The following GSN variants were observed in gnomAD, a reference collection of about 807,000 sequenced individuals.
GSN encodes actin-depolymerizing factor.
In GSN, 56 loss-of-function variants were observed where a neutral mutation model predicts 85.7. The ratio of observed to expected loss-of-function variants is 0.65; its 90% CI spans 0.53 to 0.82. The LOEUF (loss-of-function observed/expected upper bound fraction) is 0.82, where lower values mean the gene tolerates loss of function less well. GSN is among the 40% of genes least tolerant of loss of function. The probability of loss-of-function intolerance (pLI) is 0.00; values close to 1 mark genes in which losing one functional copy is unlikely to be tolerated. For synonymous variants in GSN, 373 were observed against 399.1 expected (o/e 0.93, Z 0.78); for missense variants, 857 against 979.8 (o/e 0.87, Z 1.67).
chr9:121,320,819 C>T (rs752271509), intron 10 of GSN, among the ~76,000 whole-genome samples: 8 of 152,172 alleles, frequency 5.3e-5, no homozygotes, highest in Admixed American at 4.6e-4. Context: ...CGAGTAATCT[C>T]GTTTGAGCCT....
chr9:121,327,251 G>T, intron 13 of GSN, 57 bp from the exon 14 acceptor site: 1 of 1,412,820 alleles, frequency 7.1e-7, no homozygotes, highest in Non-Finnish European at 1.0e-6. Flanking sequence ...TGGGCTGTGA[G>T]GAGGGGGCTG....
chr9:121,237,759 C>T (rs1433767235), intron 5 of GSN, among the ~76,000 whole-genome samples: 2 of 152,192 alleles, frequency 1.3e-5, no homozygotes, highest in Non-Finnish European at 2.9e-5. Flanking sequence ...GAGGCTGATA[C>T]TCTTGAGGAG....
upstream of GSN, chr9:121,265,313 C>G (rs986396670): frequency 6.6e-5 from 10 of 152,222 alleles, no homozygotes; most frequent in African/African-American, 2.4e-4. Flanking sequence ...TTTTGCGACA[C>G]CCTTCTAGTC....
intron 5 of GSN, among the ~76,000 whole-genome samples, chr9:121,242,067 T>A (rs959622082): frequency 1.3e-5 from 2 of 152,202 alleles, no homozygotes; most frequent in Non-Finnish European, 2.9e-5. Flanking sequence ...GGCATGATAA[T>A]AATCTCTATT....
intron 6 of GSN, among the ~76,000 whole-genome samples, chr9:121,258,746 C>T (rs915804016): frequency 3.3e-5 from 5 of 151,192 alleles, no homozygotes; most frequent in African/African-American, 1.2e-4. Flanking sequence ...TTCCCAGCAG[C>T]ATAAGTGAGC....
chr9:121,295,736 C>G (rs976623402), intron 2 of GSN, among the ~76,000 whole-genome samples: 1 of 152,310 alleles, frequency 6.6e-6, no homozygotes, highest in Non-Finnish European at 1.5e-5. Flanking sequence ...TGTACAGCCC[C>G]CATCCTGTGG....
At chr9:121,317,301 G>A (rs958672039) in intron 8 of GSN, 83 bp downstream of exon 8, 33 of 1,447,800 alleles carry the variant, frequency 2.3e-5, no homozygotes, top group Middle Eastern at 1.7e-4. Flanking sequence ...CTCAGCTCCC[G>A]GGGAGTGTGG....
intron 7 of GSN, 23 bp from the exon 8 acceptor site, chr9:121,317,063 T>C (rs370372928): frequency 2.8e-5 from 45 of 1,613,924 alleles, no homozygotes; most frequent in Non-Finnish European, 3.7e-5. Context: ...CATGTGCTGG[T>C]TCCTTCTGCT....
In GSN at chr9:121,328,650, C is replaced by T. The variant is rs1216657828; in HGVS notation, c.1763-241C>T. Among the ~76,000 whole-genome samples, 4 of 152,342 alleles carry T rather than the reference C, an allele frequency of 2.6e-5. No homozygotes were observed. In the East Asian group the frequency reaches 7.7e-4, roughly 29 times the overall value. On this transcript the variant is annotated intron_variant, in intron 14 of 17. Coordinates refer to ENST00000432226, the MANE Select transcript of GSN (RefSeq NM_198252.3). ...CTCATCCCGCAATGCTGTCGTCAGCCTCAAGCCAATAGTGGTCCTGGCTGT... is the reference window on the plus strand; with the variant it reads ...CTCATCCCGCAATGCTGTCGTCAGCTTCAAGCCAATAGTGGTCCTGGCTGT...
intron 2 of GSN, among the ~76,000 whole-genome samples, chr9:121,295,574 G>A (rs1455551964): frequency 6.6e-6 from 1 of 152,154 alleles, no homozygotes; most frequent in Non-Finnish European, 1.5e-5. Context: ...TGGAAGGGGC[G>A]GGGGAGGCCA....
chr9:121,325,432 C>T (rs2063039193), intron 12 of GSN, among the ~76,000 whole-genome samples: 3 of 152,030 alleles, frequency 2.0e-5, no homozygotes, highest in Admixed American at 2.0e-4. Context: ...GGGGAAAATG[C>T]CATGATTTGA....
intron 6 of GSN, among the ~76,000 whole-genome samples, chr9:121,250,911 G>C (rs555664417): frequency 1.3e-3 from 179 of 134,954 alleles, no homozygotes; most frequent in African/African-American, 4.7e-3. Flanking sequence ...GTGTGTGTGT[G>C]CTTTGAGACA....
chr9:121,207,591 G>A (rs931739927), upstream of GSN, among the ~76,000 whole-genome samples: 2 of 152,196 alleles, frequency 1.3e-5, no homozygotes, highest in Non-Finnish European at 2.9e-5. Flanking sequence ...ACCCATGGAA[G>A]GTCATCTCCC....
At chr9:121,214,600 C>G (rs1273831175) in intron 4 of GSN, among the ~76,000 whole-genome samples, 1 of 152,174 alleles carries the variant, frequency 6.6e-6, no homozygotes, top group Non-Finnish European at 1.5e-5. Context: ...AGGGATAAGC[C>G]TGCATTCCTA....
rs148414063 is a variant in GSN at position 121,329,340 on chromosome 9, C to T, written c.1965+25C>T. Reference sequence around the variant, plus strand: ...GGTGGGTGAAGGACAGGTGAAGGCTCTCTGTGCCAGAGGGAGTGGGAGAAA... The same window carrying T: ...GGTGGGTGAAGGACAGGTGAAGGCTTTCTGTGCCAGAGGGAGTGGGAGAAA... On this transcript the variant is annotated intron_variant, in intron 16 of 17. Transcript: ENST00000432226. The surrounding 1 kb of genome is among the most constrained non-coding windows in gnomAD (Gnocchi z 4.6). The T allele has an allele frequency of 2.9e-6, 4 of 1,382,020 alleles. No individual in the cohort carries two copies. The highest frequency in any genetic ancestry group is 1.4e-5 in the African/African-American group (1 of 70,624). The allele number at this position is 1,382,020 out of a possible 1,614,324, so 85.6% of individuals were successfully genotyped here.
intron 1 of GSN, among the ~76,000 whole-genome samples, chr9:121,279,527 C>T (rs2057085606): frequency 6.6e-6 from 1 of 151,908 alleles, no homozygotes; most frequent in African/African-American, 2.4e-5. Flanking sequence ...ACTAGCAAGA[C>T]ATGGTGATAC....
intron 4 of GSN, among the ~76,000 whole-genome samples, chr9:121,212,447 T>C (rs546251315): frequency 6.6e-6 from 1 of 152,224 alleles, no homozygotes. Flanking sequence ...TCCCACCCTC[T>C]TCTCTCCCTG....
Position 121,318,933 on chromosome 9 carries a change from A to C in GSN, c.1191+53A>C, listed in dbSNP as rs1029741419. ...TCCAGGCCCCTCCCTCACTTTCCCC[A>C]TGCACTGCCTCTTGCTTCCCCAAGG... On this transcript the variant is annotated intron_variant, in intron 10 of 17. Coordinates refer to ENST00000432226, the MANE Select transcript of GSN (RefSeq NM_198252.3). The surrounding 1 kb of genome is among the most constrained non-coding windows in gnomAD (Gnocchi z 4.3). 12 of 1,348,790 alleles carry C rather than the reference A, an allele frequency of 8.9e-6. 1 individual carries two copies. The highest frequency in any genetic ancestry group is 4.6e-5 in the East Asian group (2 of 43,640). 83.6% of individuals were successfully genotyped at this position (1,348,790 alleles called of 1,614,324 possible). A position where few individuals can be genotyped will look rare whatever the true frequency, so the allele number is the denominator to read the frequency against.
At position 121,286,475 on chromosome 9, in the gene GSN, A is replaced by G; in HGVS notation, c.-10+4913A>G. On this transcript the variant is annotated intron_variant, in intron 2 of 17. Coordinates refer to ENST00000432226, the MANE Select transcript of GSN (RefSeq NM_198252.3). ...GCTTCCTTGTGCAGGCCACACCCCCAAGCCTTTGCGTCTGTTGTTCCCACC... is the reference window on the plus strand; with the variant it reads ...GCTTCCTTGTGCAGGCCACACCCCCGAGCCTTTGCGTCTGTTGTTCCCACC... 4.7e-6 allele frequency: 4 copies of G among 852,346 alleles called. No homozygotes were observed. The East Asian group carries it at 1.1e-4, about 23-fold the overall frequency. 52.8% of individuals were successfully genotyped at this position (852,346 alleles called of 1,614,324 possible).
Sources: allele counts gnomAD v4.1 joint callset (sites outside exome capture counted in the v4.1 genomes callset), GRCh38; gene constraint gnomAD v4.1.1; non-coding constraint Gnocchi (gnomAD v3.1); transcripts MANE v1.5; gene names NCBI Gene and HGNC (gene_info 2026-07-23, HGNC 2026-07-21).